Variants in CTSH observed in about 807,000 individuals in gnomAD.
The protein encoded by CTSH is pro-cathepsin H.
CTSH carries 52 observed loss-of-function variants against 56.3 expected under a neutral mutation model. That is an observed-to-expected ratio of 0.92 (90% CI 0.74 to 1.16). The LOEUF is 1.16. Among genes scored for constraint, CTSH ranks in the 50% most tolerant of loss-of-function variants. The probability of loss-of-function intolerance (pLI) is 0.00; values close to 1 mark genes in which losing one functional copy is unlikely to be tolerated. For missense variants in CTSH, 406 were observed against 424.5 expected, an observed-to-expected ratio of 0.96 and a Z score of 0.38; for synonymous variants, 174 against 155.7, an observed-to-expected ratio of 1.12 and a Z score of -0.88.
At chr15:78,936,060 T>C (rs1385368416) in intron 3 of CTSH, among the ~76,000 whole-genome samples, 1 of 152,150 alleles carries the variant, frequency 6.6e-6, no homozygotes, top group African/African-American at 2.4e-5. Context: ...GTGAGTCTGA[T>C]GGATAGCTAG....
intron 5 of CTSH, chr15:78,933,663 C>T (rs867505514): frequency 3.7e-5 from 13 of 355,904 alleles, no homozygotes; most frequent in Middle Eastern, 5.7e-4. Context: ...AGGCGGAGCT[C>T]GGCTGACCCT....
intron 3 of CTSH, among the ~76,000 whole-genome samples, 165 bp from the exon 4 acceptor site, chr15:78,935,915 A>G (rs16970287): frequency 0.11 from 16,009 of 152,292 alleles, 911 homozygotes; most frequent in East Asian, 0.26. Context: ...AGATAATTCA[A>G]TCAGCCCTTA....
chr15:78,923,919 C>T (rs898986584), intron 10 of CTSH, among the ~76,000 whole-genome samples: 2 of 152,134 alleles, frequency 1.3e-5, no homozygotes, highest in Admixed American at 6.5e-5. Context: ...TGTAAGTGGG[C>T]CATAGGCTCG....
At chr15:78,943,653 A>G (rs1318388296) in intron 1 of CTSH, among the ~76,000 whole-genome samples, 1 of 152,188 alleles carries the variant, frequency 6.6e-6, no homozygotes, top group Non-Finnish European at 1.5e-5. Flanking sequence ...GTGGCCATAA[A>G]AATCATTTAT....
chr15:78,921,366 G>C lies in CTSH; in HGVS notation c.*764C>G, dbSNP rs529384942. 6.6e-6 allele frequency: 1 copy of C among 152,308 alleles called. No homozygotes were observed. Among genetic ancestry groups the C allele is most frequent in the Admixed American group, 6.5e-5 (1 of 15,278 alleles). 9.4% of individuals were successfully genotyped at this position (152,308 alleles called of 1,614,324 possible). On this transcript the variant is annotated 3_prime_UTR_variant, in exon 12 of 12. Transcript: ENST00000220166. ...GGTGTGGAAACGACAGGAGCATCTG[G>C]GCACGTTTGAAATAAATAAGGGGTT... is the stretch of plus-strand genomic sequence containing the variant.
In CTSH at chr15:78,932,267, A is replaced by C; in HGVS notation, c.492+105T>G. On this transcript the variant is annotated intron_variant, in intron 6 of 11. Transcript: ENST00000220166. ...AGGCTGGGGCATCTGGGTCCACCTG[A>C]AACAGCACCCTTAGCCAATGCTCCA... is the stretch of plus-strand genomic sequence containing the variant. 2.9e-6 allele frequency: 3 copies of C among 1,047,642 alleles called. No homozygotes were observed. The South Asian group carries it at 4.2e-5, about 15-fold the overall frequency. 64.9% of individuals were successfully genotyped at this position (1,047,642 alleles called of 1,614,324 possible).
Position 78,940,429 on chromosome 15 carries a change from A to T in CTSH, c.92-1258T>A, listed in dbSNP as rs576435697. On this transcript the variant is annotated intron_variant, in intron 1 of 11. Coordinates refer to ENST00000220166, the MANE Select transcript of CTSH (RefSeq NM_004390.5). ...TGAGACCTCGTCTCTACAAAAAAAT[A>T]AAAAAAATTAGACGGGAGAATCACT... is the stretch of plus-strand genomic sequence containing the variant. 6.5e-4 allele frequency among the ~76,000 whole-genome samples: 99 copies of T among 152,056 alleles called. 1 individual carries two copies. In the South Asian group the frequency reaches 0.018, roughly 28 times the overall value.
intron 10 of CTSH, among the ~76,000 whole-genome samples, chr15:78,924,096 C>CGGGGGGGGGGGGGG (rs71148579): frequency 3.8e-5 from 1 of 26,200 alleles, no homozygotes; most frequent in Non-Finnish European, 1.0e-4. Flanking sequence ...TCCAACCCAG[C>CGGGGGGGGGGGGGG]GGGGGGGGGG....
At chr15:78,932,108 C>T (rs79721720) in intron 6 of CTSH, 43,211 of 1,248,198 alleles carry the variant, frequency 0.035, 884 homozygotes, top group East Asian at 0.051. Flanking sequence ...ACCCCTCCGC[C>T]GGGAAGGCTC....
In CTSH at chr15:78,935,701, C is replaced by T. The variant is rs368630844; in HGVS notation, c.279G>A (p.Lys93=). 1.2e-6 allele frequency: 2 copies of T among 1,611,064 alleles called. No individual in the cohort carries two copies. The highest frequency in any genetic ancestry group is 2.7e-5 in the African/African-American group (2 of 74,910). Residue 93 remains lysine, a synonymous_variant, in exon 4 of 12, where the codon AAG becomes AAA. Coordinates refer to ENST00000220166, the MANE Select transcript of CTSH (RefSeq NM_004390.5). ...SDMSFAEIKH[K]YLWSEPQNCS... ...CTACCTGAGGCTCTGACCAGAGATA[C>T]TTGTGTTTTATTTCAGCAAAGCTCA...
chr15:78,936,531 CAA>C (rs993901759), intron 3 of CTSH, among the ~76,000 whole-genome samples: 1 of 152,076 alleles, frequency 6.6e-6, no homozygotes, highest in African/African-American at 2.4e-5. Context: ...GGTTCAAGCC[CAA>C]GTTTCTTTCC....
intron 5 of CTSH, 57 bp from the exon 6 acceptor site, chr15:78,932,515 C>G (rs1232983108): frequency 7.2e-7 from 1 of 1,387,520 alleles, no homozygotes; most frequent in African/African-American, 1.4e-5. Flanking sequence ...GTGAGACAGC[C>G]CTGCCTTCTG....
chr15:78,938,850 A>G (rs781170258), intron 2 of CTSH, among the ~76,000 whole-genome samples: 2 of 151,950 alleles, frequency 1.3e-5, no homozygotes, highest in Non-Finnish European at 2.9e-5. Context: ...TTTTTTTACA[A>G]TGGTTGTACT....
intron 7 of CTSH, among the ~76,000 whole-genome samples, chr15:78,930,973 G>C (rs2055046339): frequency 6.6e-6 from 1 of 152,144 alleles, no homozygotes; most frequent in Non-Finnish European, 1.5e-5. Flanking sequence ...CTTTACAGTG[G>C]GCCAGGAAAG....
chr15:78,941,067 A>G (rs138691050), intron 1 of CTSH, among the ~76,000 whole-genome samples: 3 of 152,332 alleles, frequency 2.0e-5, no homozygotes, highest in Admixed American at 6.5e-5. Context: ...CTAAGGGAAC[A>G]TACATTTTTA....
chr15:78,943,221 C>T (rs185380155), intron 1 of CTSH, among the ~76,000 whole-genome samples: 41 of 152,166 alleles, frequency 2.7e-4, no homozygotes, highest in Non-Finnish European at 5.7e-4. Context: ...CCTGGATTTA[C>T]AGCAGGTTTC....
At chr15:78,940,299 T>C (rs1454990391) in intron 1 of CTSH, among the ~76,000 whole-genome samples, 3 of 152,184 alleles carry the variant, frequency 2.0e-5, no homozygotes, top group African/African-American at 4.8e-5. Context: ...GATTTAAAAA[T>C]AACACCTGGC....
In CTSH at chr15:78,921,999, C is replaced by CA. The variant is rs922724965; in HGVS notation, c.*130dup. On this transcript the variant is annotated 3_prime_UTR_variant, in exon 12 of 12. Transcript: ENST00000220166. ...TGTCTGTAGGTTTCCAGGCTGGGCA[C>CA]AGAGGTGAGGGCAGAATGTTGGGGG... The CA allele has an allele frequency of 4.2e-5, 33 of 786,554 alleles. No individual in the cohort carries two copies. The highest frequency in any genetic ancestry group is 6.2e-5 in the Non-Finnish European group (30 of 487,802). 48.7% of individuals were successfully genotyped at this position (786,554 alleles called of 1,614,324 possible). A position where few individuals can be genotyped will look rare whatever the true frequency, so the allele number is the denominator to read the frequency against.
chr15:78,933,573 C>G (rs779327818), intron 5 of CTSH: 7 of 454,506 alleles, frequency 1.5e-5, no homozygotes, highest in South Asian at 1.1e-4. Context: ...GAGGGAGGGA[C>G]GGCCTGGTGA....
Sources: gnomAD v4.1 joint callset for allele counts (sites outside exome capture counted in the v4.1 genomes callset) on GRCh38, gnomAD v4.1.1 for gene constraint, MANE v1.5 for transcripts, NCBI Gene and HGNC (gene_info 2026-07-23, HGNC 2026-07-21) for gene names.